Variants in ZMYM2 observed in about 807,000 individuals in gnomAD.
ZMYM2 encodes zinc finger MYM-type containing 2, also known as zinc finger MYM-type protein 2.
A neutral mutation model predicts 162.8 loss-of-function variants in ZMYM2; 56 were observed. That is an observed-to-expected ratio of 0.34 (90% CI 0.28 to 0.43). The LOEUF (loss-of-function observed/expected upper bound fraction) is 0.43. ZMYM2 is among the 20% of genes least tolerant of loss of function. The pLI, the probability that ZMYM2 is intolerant of heterozygous loss-of-function variation, is 1.00. For missense variants in ZMYM2, 1,275 were observed against 1,621.8 expected (o/e 0.79, Z 3.67); for synonymous variants, 510 against 541.6 (o/e 0.94, Z 0.81).
In ZMYM2 at chr13:20,031,315, TTAGGCTCTAAG is replaced by T; in HGVS notation, c.1852-1_1861del. 1 of 1,598,380 alleles carries T rather than the reference TTAGGCTCTAAG, an allele frequency of 6.3e-7. No homozygotes were observed. On this transcript the variant is annotated splice_acceptor_variant and splice_polypyrimidine_tract_variant and coding_sequence_variant and intron_variant, in exon 10 of 25. Transcript: ENST00000610343. LOFTEE classifies it high-confidence loss of function. ...GGCTTAGTATCTTTTGTTCTTTGTT[TTAGGCTCTAAG>T]TATGCAGTCATCTCCAAATGGCCAG...
At chr13:20,071,287 G>A (rs1188901004) in intron 21 of ZMYM2, among the ~76,000 whole-genome samples, 1 of 152,182 alleles carries the variant, frequency 6.6e-6, no homozygotes, top group East Asian at 1.9e-4. Flanking sequence ...TTAACGGAAG[G>A]AAAGTCTTGA....
chr13:19,893,159 A>G, the ZMYM2 span, among the ~76,000 whole-genome samples: 2 of 149,670 alleles, frequency 1.3e-5, no homozygotes, highest in Non-Finnish European at 3.0e-5. Flanking sequence ...AGGGCTGCAC[A>G]TGGTGGCTCA....
At chr13:20,061,338 G>GAA in intron 17 of ZMYM2, 114 bp downstream of exon 17, 1 of 1,187,030 alleles carries the variant, frequency 8.4e-7, no homozygotes, top group Non-Finnish European at 1.2e-6. Flanking sequence ...TGGGGGTGAG[G>GAA]AAAGCATTGT....
the ZMYM2 span, among the ~76,000 whole-genome samples, chr13:19,938,518 A>G: frequency 6.6e-6 from 1 of 152,126 alleles, no homozygotes; most frequent in Non-Finnish European, 1.5e-5. Context: ...TAAGTAAATA[A>G]GTATTTGGAT....
At chr13:19,933,182 G>A in the ZMYM2 span, among the ~76,000 whole-genome samples, 1 of 152,070 alleles carries the variant, frequency 6.6e-6, no homozygotes, top group Non-Finnish European at 1.5e-5. Context: ...GAACTCCTGG[G>A]CTCAAGTGAT....
intron 21 of ZMYM2, among the ~76,000 whole-genome samples, chr13:20,081,742 TTC>T (rs2141038368): frequency 6.6e-6 from 1 of 152,256 alleles, no homozygotes; most frequent in South Asian, 2.1e-4. Context: ...TCTTTTTTTT[TTC>T]TGTCTGACAG....
At chr13:19,952,840 G>T in the ZMYM2 span, among the ~76,000 whole-genome samples, 1 of 152,068 alleles carries the variant, frequency 6.6e-6, no homozygotes, top group African/African-American at 2.4e-5. Context: ...AAAAGTGGAG[G>T]GTCACTACTA....
chr13:19,966,949 A>G (rs77211638), intron 2 of ZMYM2, among the ~76,000 whole-genome samples: 248 of 152,156 alleles, frequency 1.6e-3, no homozygotes, highest in Non-Finnish European at 2.8e-3. Context: ...ATTCCATCCT[A>G]TGTCTCTGTA....
intron 2 of ZMYM2, among the ~76,000 whole-genome samples, chr13:19,979,428 C>CTTTTT (rs71763618): frequency 9.0e-6 from 1 of 110,848 alleles, no homozygotes; most frequent in Non-Finnish European, 1.9e-5. Flanking sequence ...TTTTTCTGCA[C>CTTTTT]TTTTTTTTTT....
the ZMYM2 span, among the ~76,000 whole-genome samples, chr13:19,937,760 G>C: frequency 6.6e-6 from 1 of 150,548 alleles, no homozygotes; most frequent in South Asian, 2.1e-4. Flanking sequence ...TTAGCATTAG[G>C]TATATCTCCT....
intron 12 of ZMYM2, among the ~76,000 whole-genome samples, chr13:20,041,073 T>C (rs1208075033): frequency 1.3e-5 from 2 of 152,182 alleles, no homozygotes; most frequent in Non-Finnish European, 2.9e-5. Flanking sequence ...GAAGAATGTA[T>C]ATTCTGTTGT....
At chr13:20,021,134 C>T (rs1467208714) in intron 7 of ZMYM2, among the ~76,000 whole-genome samples, 1 of 152,138 alleles carries the variant, frequency 6.6e-6, no homozygotes, top group African/African-American at 2.4e-5. Context: ...CGCCACCATG[C>T]CCGGCTAATT....
intron 2 of ZMYM2, among the ~76,000 whole-genome samples, chr13:19,962,641 C>T (rs1955372384): frequency 1.4e-5 from 2 of 147,592 alleles, no homozygotes; most frequent in South Asian, 2.2e-4. Context: ...TCTCCTGCCT[C>T]AGCCTCCCAA....
intron 14 of ZMYM2, among the ~76,000 whole-genome samples, chr13:20,054,225 T>G (rs989864393): frequency 9.2e-5 from 14 of 152,380 alleles, no homozygotes; most frequent in African/African-American, 3.1e-4. Context: ...GTTCTTTTTG[T>G]GAGTTTCTTT....
the ZMYM2 span, among the ~76,000 whole-genome samples, chr13:19,944,543 G>A: frequency 6.6e-6 from 1 of 152,190 alleles, no homozygotes; most frequent in African/African-American, 2.4e-5. Flanking sequence ...TCTGGAAAAT[G>A]TTAGAAGGAA....
the ZMYM2 span, among the ~76,000 whole-genome samples, chr13:19,938,797 C>T: frequency 6.6e-6 from 1 of 151,356 alleles, no homozygotes. Flanking sequence ...TGCTTTAATC[C>T]TTACAAAAAG....
intron 2 of ZMYM2, among the ~76,000 whole-genome samples, chr13:19,977,951 A>C (rs1956940252): frequency 6.8e-6 from 1 of 148,046 alleles, no homozygotes; most frequent in Non-Finnish European, 1.5e-5. Flanking sequence ...ATCTCGGCTC[A>C]CTGCAAGCCC....
At chr13:20,058,749 C>T (rs1956000912) in intron 15 of ZMYM2, 45 bp downstream of exon 15, 1 of 1,603,848 alleles carries the variant, frequency 6.2e-7, no homozygotes, top group African/African-American at 1.3e-5. Flanking sequence ...ATACCTTCAT[C>T]TCACCTAATG....
At chr13:19,987,321 T>A (rs965768424) in intron 2 of ZMYM2, among the ~76,000 whole-genome samples, 5 of 151,838 alleles carry the variant, frequency 3.3e-5, no homozygotes, top group African/African-American at 1.2e-4. Context: ...TGGAGTGCAG[T>A]GGCGCAATCT....
Sources: gnomAD v4.1 joint callset for allele counts (sites outside exome capture counted in the v4.1 genomes callset) on GRCh38, gnomAD v4.1.1 for gene constraint, MANE v1.5 for transcripts, NCBI Gene and HGNC (gene_info 2026-07-23, HGNC 2026-07-21) for gene names.